Variants in AQR observed in about 807,000 individuals in gnomAD.
AQR encodes the protein RNA helicase aquarius.
In AQR, 61 loss-of-function variants were observed where a neutral mutation model predicts 180.5. The observed-to-expected ratio is 0.34, with a 90% CI of 0.28 to 0.42. The LOEUF (loss-of-function observed/expected upper bound fraction) is 0.42, where lower values mean the gene tolerates loss of function less well. AQR is among the 10% of genes least tolerant of loss of function. The pLI, the probability that AQR is intolerant of heterozygous loss-of-function variation, is 1.00. For missense variants in AQR, 1,281 were observed against 1,798.3 expected (o/e 0.71, Z 5.20); for synonymous variants, 551 against 588.8 (o/e 0.94, Z 0.93).
chr15:34,955,827 C>T (rs920204144), intron 3 of AQR, among the ~76,000 whole-genome samples: 12 of 149,986 alleles, frequency 8.0e-5, no homozygotes, highest in Non-Finnish European at 1.5e-4. Flanking sequence ...GAGAATCATT[C>T]GAAGCTGGGA....
At chr15:34,863,265 A>G (rs1326522749) in intron 32 of AQR, 1 of 440,318 alleles carries the variant, frequency 2.3e-6, no homozygotes, top group Non-Finnish European at 4.0e-6. Flanking sequence ...GAAGGGGAGG[A>G]TCACAAAATA....
rs1344128807 is a variant in AQR at position 34,960,817 on chromosome 15, G to A, written c.133-3C>T. 5 of 863,798 alleles carry A rather than the reference G, an allele frequency of 5.8e-6. No individual in the cohort carries two copies. Among genetic ancestry groups the A allele is most frequent in the Middle Eastern group, 2.3e-4 (1 of 4,418 alleles). The allele number at this position is 863,798 out of a possible 1,614,324, so 53.5% of individuals were successfully genotyped here. A position where few individuals can be genotyped will look rare whatever the true frequency, so the allele number is the denominator to read the frequency against. ...TTTTCATATATATCTTCAATAACCT[G>A]TTATAAAAATATAAAAATGTTTAAT... On this transcript the variant is annotated splice_polypyrimidine_tract_variant and splice_region_variant and intron_variant, in intron 2 of 34. Coordinates refer to ENST00000156471, the MANE Select transcript of AQR (RefSeq NM_014691.3).
rs1892692120 is a variant in AQR at position 34,862,973 on chromosome 15, G to T, written c.3923C>A (p.Ser1308Tyr). The change falls in exon 33 of 35, where the codon TCC becomes TAC. Residue 1308 changes from serine (S) to tyrosine (Y), a missense_variant. Transcript: ENST00000156471. ...RLGLYIFARV[S>Y]LFQNCFELTP... ...CAGTTCAAAACAGTTTTGGAAGAGG[G>T]ATACTCTGGCGAAGATATAAAGTCC... The T allele has an allele frequency of 1.9e-6, 3 of 1,613,774 alleles. No homozygotes were observed. The highest frequency in any genetic ancestry group is 1.3e-5 in the African/African-American group (1 of 74,886).
chr15:34,862,040 T>C (rs1892677989), intron 33 of AQR, among the ~76,000 whole-genome samples: 1 of 152,080 alleles, frequency 6.6e-6, no homozygotes, highest in African/African-American at 2.4e-5. Context: ...TTCTCCTTTA[T>C]ACAAAAGGAA....
chr15:34,897,781 T>C, intron 20 of AQR, 76 bp from the exon 21 acceptor site: 2 of 1,442,614 alleles, frequency 1.4e-6, no homozygotes, highest in South Asian at 2.4e-5. Context: ...CATGACATTG[T>C]ATGCACGATA....
chr15:34,933,973 T>G (rs1197379178), intron 10 of AQR, among the ~76,000 whole-genome samples: 3 of 151,968 alleles, frequency 2.0e-5, no homozygotes, highest in African/African-American at 7.2e-5. Context: ...ACACAAAAAT[T>G]AGCTGGGCGT....
chr15:34,937,713 G>A (rs1367272641), intron 9 of AQR, among the ~76,000 whole-genome samples: 12 of 151,314 alleles, frequency 7.9e-5, no homozygotes, highest in African/African-American at 2.7e-4. Context: ...GTAAAACCTC[G>A]TCTCTACTAA....
intron 34 of AQR, 32 bp from the exon 35 acceptor site, chr15:34,857,138 C>T (rs1892598515): frequency 1.3e-6 from 2 of 1,505,938 alleles, no homozygotes; most frequent in Non-Finnish European, 1.8e-6. Context: ...AAGACAATAC[C>T]AATATGAAAA....
intron 12 of AQR, among the ~76,000 whole-genome samples, chr15:34,927,433 G>A (rs1039527858): frequency 6.6e-6 from 1 of 152,114 alleles, no homozygotes; most frequent in Non-Finnish European, 1.5e-5. Context: ...GACAGAAGAG[G>A]AGCAAAAAAC....
At chr15:34,922,892 T>C (rs1307358024) in intron 13 of AQR, among the ~76,000 whole-genome samples, 1 of 152,174 alleles carries the variant, frequency 6.6e-6, no homozygotes, top group Non-Finnish European at 1.5e-5. Context: ...TGACTAAACA[T>C]GTTAAGCATC....
At chr15:34,919,825 G>A (rs141466259) in intron 14 of AQR, among the ~76,000 whole-genome samples, 2,560 of 152,102 alleles carry the variant, frequency 0.017, 74 homozygotes, top group African/African-American at 0.057. Flanking sequence ...TTGAACCTGG[G>A]AGGCAGAGGT....
At chr15:34,858,156 G>A (rs1024544513) in intron 34 of AQR, among the ~76,000 whole-genome samples, 1 of 151,806 alleles carries the variant, frequency 6.6e-6, no homozygotes. Flanking sequence ...GCTAATTTTT[G>A]TATTTTTAGT....
At chr15:34,932,978 T>C (rs915280978) in intron 10 of AQR, among the ~76,000 whole-genome samples, 2 of 151,704 alleles carry the variant, frequency 1.3e-5, no homozygotes, top group African/African-American at 4.8e-5. Context: ...AGAAAGAAAA[T>C]CTAGCACTAA....
intron 3 of AQR, among the ~76,000 whole-genome samples, chr15:34,958,117 G>A (rs184101370): frequency 5.3e-5 from 8 of 152,062 alleles, no homozygotes; most frequent in Non-Finnish European, 1.2e-4. Context: ...CTGAGGCAGG[G>A]GAATGGCGTG....
At chr15:34,897,808 A>T in intron 20 of AQR, 103 bp from the exon 21 acceptor site, 1 of 1,286,852 alleles carries the variant, frequency 7.8e-7, no homozygotes, top group Non-Finnish European at 1.1e-6. Flanking sequence ...GGAGTAAGAA[A>T]CATTTCTGGC....
chr15:34,940,856 C>T, intron 8 of AQR, 43 bp downstream of exon 8: 1 of 1,449,820 alleles, frequency 6.9e-7, no homozygotes, highest in African/African-American at 1.4e-5. Context: ...GGTCCACAAT[C>T]CAGCATAATA....
At chr15:34,895,179 AAAAAAAAAATATATATATAT>A (rs1251804782) in intron 22 of AQR, among the ~76,000 whole-genome samples, 1 of 50,138 alleles carries the variant, frequency 2.0e-5, no homozygotes, top group Admixed American at 2.1e-4. Flanking sequence ...AAAAAAAAAA[AAAAAAAAAATATATATATAT>A]ATATATATAT....
In AQR at chr15:34,906,667, G is replaced by C; in HGVS notation, c.1709C>G (p.Thr570Arg). 1 of 1,614,040 alleles carries C rather than the reference G, an allele frequency of 6.2e-7. No homozygotes were observed. Among genetic ancestry groups the C allele is most frequent in the Non-Finnish European group, 8.5e-7 (1 of 1,179,990 alleles). Residue 570 changes from threonine to arginine, a missense_variant, in exon 18 of 35, where the codon ACA becomes AGA. Physicochemically the swap from Thr to Arg is moderately conservative, Grantham distance 71. This residue lies in a region of AQR where 200 missense variants were observed against 293.4 expected (regional missense o/e 0.68). Coordinates refer to ENST00000156471, the MANE Select transcript of AQR (RefSeq NM_014691.3). Reference protein sequence around the residue: ...DVCFLITVRPTKPYGTKFDRR... With the variant: ...DVCFLITVRPRKPYGTKFDRR... Reference sequence around the variant, plus strand: ...GTCAAACTTAGTGCCATAAGGTTTTGTGGGACGTACGGTAATTAAAAAGCA... The same window carrying C: ...GTCAAACTTAGTGCCATAAGGTTTTCTGGGACGTACGGTAATTAAAAAGCA...
chr15:34,906,098 T>C (rs371866624), intron 18 of AQR, among the ~76,000 whole-genome samples: 18 of 151,990 alleles, frequency 1.2e-4, no homozygotes, highest in South Asian at 4.2e-4. Context: ...TGAAACTGTC[T>C]GGGTGTGGTG....
Sources: allele counts gnomAD v4.1 joint callset (sites outside exome capture counted in the v4.1 genomes callset), GRCh38; gene constraint gnomAD v4.1.1; regional missense constraint gnomAD v4.1.1; transcripts MANE v1.5; gene names NCBI Gene and HGNC (gene_info 2026-07-23, HGNC 2026-07-21).